Variants in ATG9B observed in about 807,000 individuals in gnomAD.
ATG9B encodes the protein autophagy-related protein 9B.
A neutral mutation model predicts 92.9 loss-of-function variants in ATG9B; 92 were observed. That is an observed-to-expected ratio of 0.99 (90% CI 0.84 to 1.18). The LOEUF (loss-of-function observed/expected upper bound fraction) is 1.18. Ranked by LOEUF, ATG9B falls within the 50% of genes most tolerant of loss-of-function variation. ATG9B has a pLI of 0.00. For synonymous variants in ATG9B, 599 were observed against 551.4 expected (o/e 1.09, Z -1.21); for missense variants, 1,344 against 1,235.0 (o/e 1.09, Z -1.32).
At chr7:151,013,320 C>T, downstream of ATG9B, 1 of 1,614,060 alleles carries the variant, frequency 6.2e-7, no homozygotes, top group South Asian at 1.1e-5. Flanking sequence ...GAACGCCCAG[C>T]AGCGCGGGGT....
chr7:151,018,698 A>G lies in ATG9B; in HGVS notation c.1640T>C (p.Val547Ala). 1 of 1,603,372 alleles carries G rather than the reference A, an allele frequency of 6.2e-7. No homozygotes were observed. Among genetic ancestry groups the G allele is most frequent in the Non-Finnish European group, 8.5e-7 (1 of 1,177,270 alleles). The change falls in exon 6 of 14, where the codon GTC becomes GCC. Residue 547 changes from valine (V) to alanine (A), a missense_variant. Val to Ala is a moderately conservative substitution (Grantham distance 64). Coordinates refer to ENST00000639579, the MANE Select transcript of ATG9B (RefSeq NM_001317056.2). This position sits in a 1 kb window ranked among gnomAD's most constrained non-coding sequence, Gnocchi z 4.7. ...ALFAALLVLT[V>A]YDEDVLAVEH... ...CACGGCTAGCACGTCCTCGTCGTAG[A>G]CGGTGAGCACAAGCAGCGCGGCGAA...
At position 151,018,657 on chromosome 7, in the gene ATG9B, C is replaced by A. The variant is rs376091617; in HGVS notation, c.1681G>T (p.Ala561Ser). 9 of 1,607,116 alleles carry A rather than the reference C, an allele frequency of 5.6e-6. No individual in the cohort carries two copies. The highest frequency in any genetic ancestry group is 7.6e-6 in the Non-Finnish European group (9 of 1,178,926). Residue 561 changes from alanine (A) to serine (S), a missense_variant, in exon 6 of 14, where the codon GCC (alanine) becomes TCC (serine). Coordinates refer to ENST00000639579, the MANE Select transcript of ATG9B (RefSeq NM_001317056.2). The surrounding 1 kb of genome is among the most constrained non-coding windows in gnomAD (Gnocchi z 4.7). ...DVLAVEHVLTAMTALGVTATV... is the reference protein window; with the variant it reads ...DVLAVEHVLTSMTALGVTATV... ...GCGGTGACCCCGAGCGCGGTCATGGCGGTGAGCACGTGCTCCACGGCTAGC... is the reference window on the plus strand; with the variant it reads ...GCGGTGACCCCGAGCGCGGTCATGGAGGTGAGCACGTGCTCCACGGCTAGC...
intron 9 of ATG9B, 56 bp downstream of exon 9, chr7:151,016,979 GT>G (rs1416582139): frequency 6.5e-7 from 1 of 1,533,668 alleles, no homozygotes; most frequent in Admixed American, 1.9e-5. Flanking sequence ...GAGGGGAAGG[GT>G]TTGGAGAGGA....
rs748527527 is a variant in ATG9B, at chr7:151,016,134, C to T, written c.2622G>A (p.Glu874=). The T allele has an allele frequency of 1.2e-5, 19 of 1,540,198 alleles. 1 individual carries two copies. In the South Asian group the frequency reaches 1.9e-4, roughly 16 times the overall value. ...CGTCACTTGACCAGGATGGCTTCTC[C>T]TCATCAGGCGAGGGTGGCTGTGAGG... is the stretch of plus-strand genomic sequence containing the variant. The part of the protein sequence containing the change: ...SSPSQPPSPD[E]EKPSWSSDGS... Residue 874 remains glutamate (E), a synonymous_variant, in exon 12 of 14, where the codon GAG becomes GAA. Transcript: ENST00000639579.
chr7:151,016,604 C>A, intron 10 of ATG9B, 77 bp from the exon 11 acceptor site: 1 of 1,544,516 alleles, frequency 6.5e-7, no homozygotes, highest in Non-Finnish European at 8.7e-7. Context: ...TTCTGAATCC[C>A]CCCTCAGCGC....
chr7:151,018,374 G>A lies in ATG9B; in HGVS notation c.1792C>T (p.His598Tyr). The A allele has an allele frequency of 1.3e-6, 2 of 1,598,568 alleles. No individual in the cohort carries two copies. Among genetic ancestry groups the A allele is most frequent in the Non-Finnish European group, 1.7e-6 (2 of 1,173,924 alleles). Reference protein sequence around the residue: ...LLLQTALAHMHYLPEEPGPGG... With the variant: ...LLLQTALAHMYYLPEEPGPGG... ...GGGCCGGGCTCCTCCGGGAGGTAGT[G>A]CATGTGGGCCAGGGCTGTCTGCAGC... The change falls in exon 7 of 14, where the codon CAC becomes TAC. Residue 598 changes from histidine to tyrosine, a missense_variant. By Grantham distance (83) the His-to-Tyr change is moderately conservative. Transcript: ENST00000639579. The surrounding 1 kb of genome is among the most constrained non-coding windows in gnomAD (Gnocchi z 4.7).
chr7:151,013,559 C>A, downstream of ATG9B: 1 of 1,010,446 alleles, frequency 9.9e-7, no homozygotes, highest in Non-Finnish European at 1.4e-6. Flanking sequence ...TCCTCCCGCC[C>A]CTGCCCCGCC....
Position 151,024,447 on chromosome 7 carries a change from G to T in ATG9B, c.-24C>A, listed in dbSNP as rs1795884556. On this transcript the variant is annotated 5_prime_UTR_variant, in exon 1 of 14. Coordinates refer to ENST00000639579, the MANE Select transcript of ATG9B (RefSeq NM_001317056.2). ...ATCAGGCCACGGCTTCTCCAGAAAG[G>T]TTGGAAGGATGGGAGCTGTTGTTGC... 3.8e-6 allele frequency: 5 copies of T among 1,321,606 alleles called. No homozygotes were observed. The highest frequency in any genetic ancestry group is 1.9e-6 in the Non-Finnish European group (2 of 1,030,120). The allele number at this position is 1,321,606 out of a possible 1,614,324, so 81.9% of individuals were successfully genotyped here. A position where few individuals can be genotyped will look rare whatever the true frequency, so the allele number is the denominator to read the frequency against.
downstream of ATG9B, chr7:151,013,440 C>A (rs1795352751): frequency 1.3e-6 from 2 of 1,549,816 alleles, no homozygotes; most frequent in Non-Finnish European, 8.7e-7. Context: ...AGGACTCGCG[C>A]TCTCCAGCGG....
intron 10 of ATG9B, 47 bp downstream of exon 10, chr7:151,016,641 G>GGCCC: frequency 6.5e-7 from 1 of 1,546,072 alleles, no homozygotes; most frequent in Non-Finnish European, 8.7e-7. Context: ...TACAGGATCA[G>GGCCC]CCCACCCCCC....
chr7:151,023,593 C>T, intron 2 of ATG9B, 84 bp from the exon 3 acceptor site: 1 of 1,609,910 alleles, frequency 6.2e-7, no homozygotes, highest in South Asian at 1.1e-5. Context: ...AGTCTCCCAC[C>T]CATGACGCCC....
chr7:151,013,851 A>G (rs1795371601), downstream of ATG9B: 2 of 1,605,596 alleles, frequency 1.2e-6, no homozygotes, highest in Non-Finnish European at 1.7e-6. Flanking sequence ...CAGACCGTGC[A>G]GCGCATCCTG....
chr7:151,014,143 C>G, downstream of ATG9B: 1 of 1,610,042 alleles, frequency 6.2e-7, no homozygotes, highest in Non-Finnish European at 8.5e-7. Flanking sequence ...GTTCGACCCT[C>G]CCGGCTCAGA....
intron 4 of ATG9B, among the ~76,000 whole-genome samples, 200 bp downstream of exon 4, chr7:151,022,845 A>C (rs902968590): frequency 1.3e-5 from 2 of 152,172 alleles, no homozygotes; most frequent in African/African-American, 4.8e-5. Flanking sequence ...TTAAAAAAAA[A>C]AAAAGATATA....
intron 9 of ATG9B, 51 bp from the exon 10 acceptor site, chr7:151,016,872 A>T: frequency 6.4e-7 from 1 of 1,569,492 alleles, no homozygotes. Context: ...AAGAGAGGAC[A>T]GAAACGGAGT....
intron 8 of ATG9B, 112 bp downstream of exon 8, chr7:151,017,759 C>T: frequency 7.6e-7 from 1 of 1,320,542 alleles, no homozygotes; most frequent in Non-Finnish European, 1.0e-6. Flanking sequence ...GTGACCCGCT[C>T]AACGGCACAG....
At chr7:151,013,856 A>G, downstream of ATG9B, 1 of 1,604,860 alleles carries the variant, frequency 6.2e-7, no homozygotes, top group Non-Finnish European at 8.5e-7. Flanking sequence ...CGTGCAGCGC[A>G]TCCTGGCGAC....
chr7:151,012,667 C>T, downstream of ATG9B: 1 of 578,860 alleles, frequency 1.7e-6, no homozygotes, highest in East Asian at 2.9e-5. Flanking sequence ...CTTCCTGGTG[C>T]CTGGTACATA....
chr7:151,018,825 G>T lies in ATG9B; in HGVS notation c.1513C>A (p.Arg505Ser), dbSNP rs1456370959. ...AAGGCGGCGGCGGGGCGGTAGGCGC[G>T]GGCCAGGCGCGCGCGCAGCTCGTGC... is the stretch of plus-strand genomic sequence containing the variant. ...LPHELRARLA[R>S]AYRPAAAFLR... Residue 505 changes from arginine (R) to serine (S), a missense_variant, in exon 6 of 14, where the codon CGC becomes AGC. Coordinates refer to ENST00000639579, the MANE Select transcript of ATG9B (RefSeq NM_001317056.2). This position sits in a 1 kb window ranked among gnomAD's most constrained non-coding sequence, Gnocchi z 4.7. The T allele has an allele frequency of 1.6e-6, 2 of 1,250,458 alleles. No individual in the cohort carries two copies. Among genetic ancestry groups the T allele is most frequent in the Admixed American group, 4.3e-5 (1 of 23,274 alleles). 77.5% of individuals were successfully genotyped at this position (1,250,458 alleles called of 1,614,324 possible).
Sources: gnomAD v4.1 joint callset for allele counts (sites outside exome capture counted in the v4.1 genomes callset) on GRCh38, gnomAD v4.1.1 for gene constraint, Gnocchi (gnomAD v3.1) non-coding constraint, MANE v1.5 for transcripts, NCBI Gene and HGNC (gene_info 2026-07-23, HGNC 2026-07-21) for gene names.